PTPRD: variants seen among roughly 807,000 people sequenced by gnomAD.
The protein encoded by PTPRD is protein tyrosine phosphatase receptor type D.
In PTPRD, 34 loss-of-function variants were observed where a neutral mutation model predicts 214.5. The ratio of observed to expected loss-of-function variants is 0.16; its 90% CI spans 0.12 to 0.21. The LOEUF is 0.21. Among genes scored for constraint, PTPRD ranks in the 10% least tolerant of loss-of-function variants. The pLI, the probability that PTPRD is intolerant of heterozygous loss-of-function variation, is 1.00. For missense variants in PTPRD, 2,545 were observed against 2,398.7 expected (o/e 1.06, Z -1.27); for synonymous variants, 1,128 against 845.7 (o/e 1.33, Z -5.79).
intron 2 of PTPRD, among the ~76,000 whole-genome samples, chr9:10,598,622 C>G (rs987438263): frequency 6.7e-6 from 1 of 149,602 alleles, no homozygotes; most frequent in African/African-American, 2.5e-5. Flanking sequence ...CATTATGGAG[C>G]CTCTTCTTCC....
chr9:9,018,987 T>A (rs1002566860), intron 10 of PTPRD, among the ~76,000 whole-genome samples: 1 of 152,108 alleles, frequency 6.6e-6, no homozygotes, highest in African/African-American at 2.4e-5. Context: ...ATGATAGTTT[T>A]AAAATATTTA....
intron 4 of PTPRD, among the ~76,000 whole-genome samples, chr9:9,974,958 A>C (rs925986918): frequency 1.3e-5 from 2 of 152,204 alleles, no homozygotes; most frequent in Non-Finnish European, 2.9e-5. Flanking sequence ...GAGAGAAGGA[A>C]AACTGGCGAA....
rs187779403 is a variant in PTPRD at position 8,799,440 on chromosome 9, A to G, written c.-103-65494T>C. On this transcript the variant is annotated intron_variant, in intron 11 of 45. Transcript: ENST00000381196. ...AGAGACCTGGAATTGTCCAGTTTGGAAGATATAAGCACTAAATACATCAGC... is the reference window on the plus strand; with the variant it reads ...AGAGACCTGGAATTGTCCAGTTTGGGAGATATAAGCACTAAATACATCAGC... 2.4e-4 allele frequency among the ~76,000 whole-genome samples: 37 copies of G among 152,346 alleles called. No individual in the cohort carries two copies. The East Asian group carries it at 6.8e-3, about 28-fold the overall frequency.
chr9:10,056,224 G>T (rs2097644968), intron 3 of PTPRD, among the ~76,000 whole-genome samples: 1 of 151,836 alleles, frequency 6.6e-6, no homozygotes, highest in Non-Finnish European at 1.5e-5. Flanking sequence ...AGCAGGCTGA[G>T]GCAGGATAAT....
At chr9:8,320,187 A>G (rs935906569) in intron 44 of PTPRD, among the ~76,000 whole-genome samples, 12 of 151,676 alleles carry the variant, frequency 7.9e-5, no homozygotes, top group African/African-American at 2.9e-4. Flanking sequence ...TAAGTCTAAT[A>G]AAAGGTCTTT....
At chr9:8,776,111 T>A (rs1051340265) in intron 11 of PTPRD, among the ~76,000 whole-genome samples, 5 of 152,160 alleles carry the variant, frequency 3.3e-5, no homozygotes, top group African/African-American at 9.6e-5. Flanking sequence ...TATCATAGAA[T>A]TTCCTTGGCT....
chr9:8,902,431 C>G lies in PTPRD; in HGVS notation c.-104+116266G>C, dbSNP rs60393384. ...GATCTTGGCTAACTGTAACCTCCGC[C>G]TCCTGGGTTCAAGTGATTCTCCTGC... On this transcript the variant is annotated intron_variant, in intron 11 of 45. Coordinates refer to ENST00000381196, the MANE Select transcript of PTPRD (RefSeq NM_002839.4). Among the ~76,000 whole-genome samples, 1,190 of 151,482 alleles carry G rather than the reference C, an allele frequency of 7.9e-3. 40 individuals carry two copies. The South Asian group carries it at 0.12, about 15-fold the overall frequency.
intron 8 of PTPRD, among the ~76,000 whole-genome samples, chr9:9,554,265 A>C (rs973790367): frequency 1.3e-5 from 2 of 152,092 alleles, no homozygotes; most frequent in African/African-American, 4.8e-5. Flanking sequence ...ACACCAGAGA[A>C]TGTCCATTCA....
chr9:8,548,005 G>A (rs957544394), intron 14 of PTPRD, among the ~76,000 whole-genome samples: 5 of 152,192 alleles, frequency 3.3e-5, no homozygotes, highest in South Asian at 2.1e-4. Flanking sequence ...AAACGTGCAT[G>A]TGAACACAGA....
chr9:8,435,796 G>A (rs1211171153), intron 35 of PTPRD, among the ~76,000 whole-genome samples: 1 of 151,826 alleles, frequency 6.6e-6, no homozygotes, highest in Admixed American at 6.6e-5. Flanking sequence ...GAATCTTTAA[G>A]GATTCTGGAA....
At chr9:10,574,178 G>A (rs2068387927) in intron 2 of PTPRD, among the ~76,000 whole-genome samples, 1 of 143,364 alleles carries the variant, frequency 7.0e-6, no homozygotes. Flanking sequence ...AAGTTCACAG[G>A]AAGTAAGAGA....
intron 30 of PTPRD, among the ~76,000 whole-genome samples, chr9:8,475,635 G>A (rs1434917904): frequency 2.0e-5 from 3 of 152,156 alleles, no homozygotes; most frequent in Admixed American, 6.5e-5. Context: ...GAAATAATAT[G>A]CCTTTCAAAA....
In PTPRD at chr9:9,777,361, A is replaced by C. The variant is rs4742618; in HGVS notation, c.-367-10510T>G. Among the ~76,000 whole-genome samples, 5,725 of 151,734 alleles carry C rather than the reference A, an allele frequency of 0.038. 558 individuals are homozygous for C. The East Asian group carries it at 0.39, about 10-fold the overall frequency. On this transcript the variant is annotated intron_variant, in intron 5 of 45. Transcript: ENST00000381196. The stretch of plus-strand genomic sequence containing the variant: ...CACACACACACACACACACCCCTAA[A>C]TGTTTACGTGTCAAAAATAAATTCA...
intron 2 of PTPRD, among the ~76,000 whole-genome samples, chr9:10,528,981 G>C (rs1379842290): frequency 6.6e-6 from 1 of 152,136 alleles, no homozygotes; most frequent in Admixed American, 6.6e-5. Flanking sequence ...AAGAAAAATA[G>C]ATGTGCCGGA....
chr9:9,396,838 C>A (rs1409903891), intron 9 of PTPRD, among the ~76,000 whole-genome samples: 3 of 151,910 alleles, frequency 2.0e-5, no homozygotes, highest in Admixed American at 6.6e-5. Context: ...TGCAGAGAAT[C>A]CTTGAAAATA....
At chr9:9,982,758 T>A (rs1487112129) in intron 4 of PTPRD, among the ~76,000 whole-genome samples, 1 of 152,066 alleles carries the variant, frequency 6.6e-6, no homozygotes, top group Non-Finnish European at 1.5e-5. Context: ...ATTAAAAAAA[T>A]AAAATAAAAT....
intron 39 of PTPRD, among the ~76,000 whole-genome samples, chr9:8,374,224 C>T (rs1419544244): frequency 1.3e-5 from 2 of 151,178 alleles, no homozygotes; most frequent in Non-Finnish European, 2.9e-5. Context: ...GTTTCTCTAT[C>T]CTTTGGCCAA....
chr9:8,332,049 C>G (rs1841908845), intron 43 of PTPRD, among the ~76,000 whole-genome samples: 1 of 152,104 alleles, frequency 6.6e-6, no homozygotes, highest in African/African-American at 2.4e-5. Flanking sequence ...GTTTCTGAGA[C>G]CCAAAGTGGG....
intron 7 of PTPRD, among the ~76,000 whole-genome samples, chr9:9,587,584 C>T (rs924661657): frequency 6.6e-6 from 1 of 152,012 alleles, no homozygotes. Flanking sequence ...TACTACAGTG[C>T]TTCTCAAACT....
Sources: gnomAD v4.1 joint callset for allele counts (sites outside exome capture counted in the v4.1 genomes callset) on GRCh38, gnomAD v4.1.1 for gene constraint, MANE v1.5 for transcripts, NCBI Gene and HGNC (gene_info 2026-07-23, HGNC 2026-07-21) for gene names.